The following TRPM3 variants were observed in gnomAD, a reference collection of about 807,000 sequenced individuals.
TRPM3 encodes transient receptor potential cation channel subfamily M member 3, also known as long transient receptor potential channel 3.
Under a neutral mutation model 181.2 loss-of-function variants are expected in TRPM3, and 77 were observed. That is an observed-to-expected ratio of 0.42 (90% CI 0.35 to 0.51). TRPM3 has a LOEUF of 0.51. Among genes scored for constraint, TRPM3 ranks in the 20% least tolerant of loss-of-function variants. The pLI, the probability that TRPM3 is intolerant of heterozygous loss-of-function variation, is 0.01. For synonymous variants in TRPM3, 745 were observed against 796.4 expected, an observed-to-expected ratio of 0.94 and a Z score of 1.09; for missense variants, 1,759 against 2,196.7, an observed-to-expected ratio of 0.80 and a Z score of 3.98.
chr9:71,095,858 G>A (rs974632779), intron 1 of TRPM3, among the ~76,000 whole-genome samples: 3 of 151,740 alleles, frequency 2.0e-5, no homozygotes, highest in African/African-American at 7.3e-5. Context: ...TCTAATAGCT[G>A]TAAAGATTTA....
At chr9:71,166,770 T>A (rs1163546355) in intron 1 of TRPM3, among the ~76,000 whole-genome samples, 4 of 152,218 alleles carry the variant, frequency 2.6e-5, no homozygotes, top group Admixed American at 6.5e-5. Context: ...GAAACTGAAA[T>A]ACATTATATC....
In TRPM3 at chr9:70,920,771, A is replaced by G. The variant is rs370191595; in HGVS notation, c.178-56260T>C. On this transcript the variant is annotated intron_variant, in intron 1 of 25. Coordinates refer to ENST00000677713, the MANE Select transcript of TRPM3 (RefSeq NM_001366145.2). ...AGTACTTTAAATGGAATCAATATGA[A>G]AAGCTTACTATATTATCCTTATTTC... Among the ~76,000 whole-genome samples the G allele has an allele frequency of 2.0e-3, 309 of 152,326 alleles. 1 individual carries two copies. Among genetic ancestry groups the G allele is most frequent in the African/African-American group, 6.9e-3 (286 of 41,582 alleles).
At chr9:70,556,927 C>T (rs746966931) in intron 22 of TRPM3, among the ~76,000 whole-genome samples, 2 of 152,116 alleles carry the variant, frequency 1.3e-5, no homozygotes, top group African/African-American at 4.8e-5. Flanking sequence ...ACTCAATGAA[C>T]ATTAGCTGAG....
At chr9:70,968,204 A>C (rs935502548) in intron 1 of TRPM3, among the ~76,000 whole-genome samples, 1 of 152,130 alleles carries the variant, frequency 6.6e-6, no homozygotes, top group African/African-American at 2.4e-5. Context: ...ATAGGTATAC[A>C]ATGTGCTTAT....
At chr9:71,213,632 G>T (rs1343654709) in intron 1 of TRPM3, among the ~76,000 whole-genome samples, 1 of 151,928 alleles carries the variant, frequency 6.6e-6, no homozygotes, top group Non-Finnish European at 1.5e-5. Context: ...GTTTTGTTTT[G>T]TTTTTTGACT....
At chr9:71,346,818 T>C (rs765206337) in intron 1 of TRPM3, among the ~76,000 whole-genome samples, 90 of 152,252 alleles carry the variant, frequency 5.9e-4, no homozygotes, top group Non-Finnish European at 1.1e-3. Context: ...ACTATCTGCT[T>C]TTGGAAAAAC....
intron 1 of TRPM3, among the ~76,000 whole-genome samples, chr9:71,117,520 C>G (rs2072677707): frequency 6.6e-6 from 1 of 152,034 alleles, no homozygotes; most frequent in Admixed American, 6.6e-5. Context: ...AGTTGCATAG[C>G]AGGCTTCGGA....
chr9:70,743,565 G>A (rs1208011109), intron 8 of TRPM3, among the ~76,000 whole-genome samples: 3 of 152,040 alleles, frequency 2.0e-5, no homozygotes, highest in East Asian at 1.9e-4. Flanking sequence ...TTGGGTGGGA[G>A]GTTACATTAT....
rs564200056 is a variant in TRPM3 at position 70,542,467 on chromosome 9, A to G, written c.3708-5062T>C. On this transcript the variant is annotated intron_variant, in intron 25 of 25. Coordinates refer to ENST00000677713, the MANE Select transcript of TRPM3 (RefSeq NM_001366145.2). ...GAGCAGGGACACAATGGAGTGTTGG[A>G]AAGCTGTTGGGTGACCCATGAGAGA... Among the ~76,000 whole-genome samples, 6 of 152,302 alleles carry G rather than the reference A, an allele frequency of 3.9e-5. No individual in the cohort carries two copies. In the South Asian group the frequency reaches 1.2e-3, roughly 32 times the overall value.
At chr9:71,102,163 C>T (rs2068519595) in intron 1 of TRPM3, among the ~76,000 whole-genome samples, 1 of 152,150 alleles carries the variant, frequency 6.6e-6, no homozygotes, top group Non-Finnish European at 1.5e-5. Context: ...TGTGTTCTTT[C>T]AGATGCAGAG....
intron 17 of TRPM3, among the ~76,000 whole-genome samples, chr9:70,617,424 AGGAAATG>A (rs1350423451): frequency 6.6e-6 from 1 of 152,000 alleles, no homozygotes; most frequent in Non-Finnish European, 1.5e-5. Context: ...TGGGGAGGGG[AGGAAATG>A]GGAAATGGGG....
At chr9:70,802,186 C>T (rs2089307282) in intron 6 of TRPM3, among the ~76,000 whole-genome samples, 1 of 152,344 alleles carries the variant, frequency 6.6e-6, no homozygotes, top group African/African-American at 2.4e-5. Context: ...CTAAAAAGTG[C>T]TTCCTGGAGC....
chr9:71,050,712 T>C (rs2059974559), intron 1 of TRPM3, among the ~76,000 whole-genome samples: 1 of 152,242 alleles, frequency 6.6e-6, no homozygotes, highest in South Asian at 2.1e-4. Context: ...CACACCCATT[T>C]TTCAGAGAAT....
chr9:70,660,205 C>A (rs1410363262), intron 9 of TRPM3, among the ~76,000 whole-genome samples: 3 of 152,008 alleles, frequency 2.0e-5, no homozygotes, highest in African/African-American at 4.8e-5. Flanking sequence ...AGTCTTGGGG[C>A]CTCCAAATCA....
At chr9:70,594,067 T>A (rs922536554) in intron 21 of TRPM3, among the ~76,000 whole-genome samples, 6 of 147,462 alleles carry the variant, frequency 4.1e-5, no homozygotes, top group Admixed American at 1.4e-4. Context: ...GGAAAAAAAC[T>A]CACACAAAAC....
intron 1 of TRPM3, among the ~76,000 whole-genome samples, chr9:71,262,009 T>C (rs2083090869): frequency 6.6e-6 from 1 of 152,212 alleles, no homozygotes. Context: ...AGGCAGTCTG[T>C]CCCTTAGCAG....
intron 1 of TRPM3, among the ~76,000 whole-genome samples, chr9:71,102,887 T>C (rs1316691384): frequency 1.3e-5 from 2 of 152,180 alleles, no homozygotes; most frequent in Non-Finnish European, 2.9e-5. Flanking sequence ...ACATGGGACA[T>C]GGTCAAAAAT....
chr9:70,692,967 T>G (rs957364802), intron 8 of TRPM3, among the ~76,000 whole-genome samples: 1 of 152,216 alleles, frequency 6.6e-6, no homozygotes, highest in African/African-American at 2.4e-5. Context: ...TGACATATCT[T>G]TCATCCTTGA....
At chr9:71,270,206 C>T (rs902112643) in intron 1 of TRPM3, among the ~76,000 whole-genome samples, 12 of 152,004 alleles carry the variant, frequency 7.9e-5, no homozygotes, top group African/African-American at 2.2e-4. Flanking sequence ...AAAAATTAGC[C>T]GGGGGTAGTG....
Sources: gnomAD v4.1 joint callset for allele counts (sites outside exome capture counted in the v4.1 genomes callset) on GRCh38, gnomAD v4.1.1 for gene constraint, MANE v1.5 for transcripts, NCBI Gene and HGNC (gene_info 2026-07-23, HGNC 2026-07-21) for gene names.